CEP83: variants seen among roughly 807,000 people sequenced by gnomAD.
CEP83 encodes centrosomal protein of 83 kDa.
A neutral mutation model predicts 101.9 loss-of-function variants in CEP83; 70 were observed. The ratio of observed to expected loss-of-function variants is 0.69; its 90% CI spans 0.57 to 0.84. The LOEUF is 0.84. CEP83 is among the 40% of genes least tolerant of loss of function. The probability of loss-of-function intolerance (pLI) is 0.00; values close to 1 mark genes in which losing one functional copy is unlikely to be tolerated. For missense variants in CEP83, 715 were observed against 787.2 expected, an observed-to-expected ratio of 0.91 and a Z score of 1.10; for synonymous variants, 264 against 267.9, an observed-to-expected ratio of 0.99 and a Z score of 0.14.
At chr12:94,297,202 G>A in the CEP83 span, 69 of 1,613,844 alleles carry the variant, frequency 4.3e-5, no homozygotes, top group East Asian at 4.7e-4. Flanking sequence ...TGGAGTACTC[G>A]GATGACCACT....
the CEP83 span, among the ~76,000 whole-genome samples, chr12:94,288,001 GA>G: frequency 6.6e-6 from 1 of 152,192 alleles, no homozygotes; most frequent in South Asian, 2.1e-4. Context: ...CTCAAGGCTT[GA>G]AAGCAGGCGA....
chr12:94,293,658 G>A, the CEP83 span, among the ~76,000 whole-genome samples: 5 of 152,086 alleles, frequency 3.3e-5, no homozygotes, highest in East Asian at 3.9e-4. Context: ...TCACTCTGTC[G>A]CCCAGGCTGG....
the CEP83 span, among the ~76,000 whole-genome samples, chr12:94,289,989 T>C: frequency 3.7e-4 from 56 of 152,256 alleles, no homozygotes; most frequent in Non-Finnish European, 6.8e-4. Context: ...AGCGGGCTGT[T>C]GCCAGCTCTT....
At chr12:94,289,446 G>A in the CEP83 span, among the ~76,000 whole-genome samples, 1 of 152,156 alleles carries the variant, frequency 6.6e-6, no homozygotes, top group African/African-American at 2.4e-5. Flanking sequence ...TCTGCTCTGG[G>A]CTGGAGAAAC....
At chr12:94,293,511 A>G in the CEP83 span, among the ~76,000 whole-genome samples, 2 of 152,222 alleles carry the variant, frequency 1.3e-5, no homozygotes, top group African/African-American at 4.8e-5. Context: ...GTCTGGGCAA[A>G]GTACTAGTAG....
Position 94,403,320 on chromosome 12 carries a change from T to C in CEP83, c.325-58A>G, listed in dbSNP as rs1272505856. 7.4e-6 allele frequency: 6 copies of C among 806,458 alleles called. No individual in the cohort carries two copies. In the East Asian group the frequency reaches 1.5e-4, roughly 21 times the overall value. The allele number at this position is 806,458 out of a possible 1,614,324, so 50.0% of individuals were successfully genotyped here. ...TCACATTAAAATCAAGAATTCTCCATATTTCAAAGCCTCTCTCCTAATTAT... is the reference window on the plus strand; with the variant it reads ...TCACATTAAAATCAAGAATTCTCCACATTTCAAAGCCTCTCTCCTAATTAT... On this transcript the variant is annotated intron_variant, in intron 4 of 16. Coordinates refer to ENST00000397809, the MANE Select transcript of CEP83 (RefSeq NM_016122.3).
the CEP83 span, among the ~76,000 whole-genome samples, chr12:94,291,303 G>A: frequency 1.3e-5 from 2 of 152,150 alleles, no homozygotes; most frequent in African/African-American, 4.8e-5. Context: ...TGGCACAATC[G>A]TGGCTCACTG....
At chr12:94,446,854 G>A (rs1189024415) in intron 1 of CEP83, among the ~76,000 whole-genome samples, 1 of 152,142 alleles carries the variant, frequency 6.6e-6, no homozygotes, top group African/African-American at 2.4e-5. Context: ...CTAATTTAAT[G>A]AAAAACATTA....
chr12:94,352,272 T>G (rs2060233620), intron 11 of CEP83, among the ~76,000 whole-genome samples: 1 of 151,922 alleles, frequency 6.6e-6, no homozygotes, highest in South Asian at 2.1e-4. Flanking sequence ...TACAAAAAAT[T>G]ACCTGGGCTT....
chr12:94,370,428 C>T (rs748450538), intron 8 of CEP83, among the ~76,000 whole-genome samples: 1 of 152,324 alleles, frequency 6.6e-6, no homozygotes, highest in Non-Finnish European at 1.5e-5. Flanking sequence ...GGCTGGAGTG[C>T]AGTGGCACGA....
rs1327588580 is a variant in CEP83 at position 94,378,851 on chromosome 12, A to AT, written c.740dup (p.Asn247LysfsTer12). The AT allele has an allele frequency of 6.2e-7, 1 of 1,614,030 alleles. No homozygotes were observed. The highest frequency in any genetic ancestry group is 1.1e-5 in the South Asian group (1 of 91,078). ...ACTGCCGCACCTGTATTCTTTGGGCATTTTCCACCTGAGCCTCAGAATTCT... is the reference window on the plus strand; with the variant it reads ...ACTGCCGCACCTGTATTCTTTGGGCATTTTTCCACCTGAGCCTCAGAATTCT... On this transcript the variant is annotated frameshift_variant, in exon 7 of 17. Transcript: ENST00000397809. LOFTEE classifies it high-confidence loss of function.
At chr12:94,329,586 A>G (rs2059121157) in intron 14 of CEP83, among the ~76,000 whole-genome samples, 1 of 152,238 alleles carries the variant, frequency 6.6e-6, no homozygotes, top group Non-Finnish European at 1.5e-5. Flanking sequence ...ACTAACCTTA[A>G]TAATTAGAAT....
intron 2 of CEP83, chr12:94,424,708 G>C (rs778318308): frequency 5.0e-5 from 81 of 1,608,496 alleles, no homozygotes; most frequent in Non-Finnish European, 6.7e-5. Flanking sequence ...TGTCCAGTAC[G>C]GCCTTAGTGG....
intron 6 of CEP83, among the ~76,000 whole-genome samples, chr12:94,380,694 C>A (rs2061800170): frequency 1.3e-5 from 2 of 152,178 alleles, no homozygotes; most frequent in Non-Finnish European, 2.9e-5. Context: ...CAAGTTCAGA[C>A]AATGGTGCCC....
the CEP83 span, among the ~76,000 whole-genome samples, chr12:94,275,670 G>A: frequency 5.1e-5 from 5 of 97,506 alleles, 2 homozygotes; most frequent in East Asian, 1.1e-3. Flanking sequence ...CGGCTAAAAC[G>A]GTGAAACCCC....
At chr12:94,299,065 T>C in the CEP83 span, among the ~76,000 whole-genome samples, 1 of 152,242 alleles carries the variant, frequency 6.6e-6, no homozygotes, top group Admixed American at 6.5e-5. Context: ...GAAATTTAAG[T>C]TGACCAGTAA....
the CEP83 span, among the ~76,000 whole-genome samples, chr12:94,289,787 T>C: frequency 1.3e-5 from 2 of 152,172 alleles, no homozygotes; most frequent in Non-Finnish European, 2.9e-5. Flanking sequence ...AAGTGTCACA[T>C]GGGGGAAATG....
chr12:94,420,206 GAA>G (rs1023282062), intron 2 of CEP83, among the ~76,000 whole-genome samples: 6 of 151,904 alleles, frequency 3.9e-5, no homozygotes, highest in African/African-American at 1.5e-4. Flanking sequence ...TTCACTTTGG[GAA>G]AAAAACTAGC....
chr12:94,278,086 G>A, the CEP83 span: 2 of 455,644 alleles, frequency 4.4e-6, no homozygotes, highest in Non-Finnish European at 8.8e-6. Context: ...GTATGGGCGA[G>A]CATCTTCCTT....
Sources: gnomAD v4.1 joint callset for allele counts (sites outside exome capture counted in the v4.1 genomes callset) on GRCh38, gnomAD v4.1.1 for gene constraint, MANE v1.5 for transcripts, NCBI Gene and HGNC (gene_info 2026-07-23, HGNC 2026-07-21) for gene names.